The following SUFU variants were observed in gnomAD, a reference collection of about 807,000 sequenced individuals.
SUFU encodes suppressor of fused homolog.
In SUFU, 7 loss-of-function variants were observed where a neutral mutation model predicts 58.9. The ratio of observed to expected loss-of-function variants is 0.12; its 90% CI spans 0.07 to 0.22. The LOEUF (loss-of-function observed/expected upper bound fraction) is 0.22. Among genes scored for constraint, SUFU ranks in the 10% least tolerant of loss-of-function variants. The pLI, the probability that SUFU is intolerant of heterozygous loss-of-function variation, is 1.00. For synonymous variants in SUFU, 232 were observed against 254.8 expected (o/e 0.91, Z 0.85); for missense variants, 451 against 641.3 (o/e 0.70, Z 3.20).
intron 3 of SUFU, among the ~76,000 whole-genome samples, chr10:102,555,834 C>T (rs908407782): frequency 1.3e-5 from 2 of 152,226 alleles, no homozygotes; most frequent in African/African-American, 4.8e-5. Context: ...TTACACGCTA[C>T]AAGAGTTACA....
intron 10 of SUFU, among the ~76,000 whole-genome samples, chr10:102,626,752 T>A (rs2063789971): frequency 6.6e-6 from 1 of 152,178 alleles, no homozygotes; most frequent in African/African-American, 2.4e-5. Flanking sequence ...CTTTTGTCCT[T>A]CTACGGTGAG....
At chr10:102,503,605 C>T (rs1480636133), upstream of SUFU, among the ~76,000 whole-genome samples, 2 of 152,190 alleles carry the variant, frequency 1.3e-5, no homozygotes, top group East Asian at 3.8e-4. Context: ...GATTTATTAT[C>T]ATCTATTAAT....
chr10:102,543,093 C>T (rs2062821087), intron 2 of SUFU, among the ~76,000 whole-genome samples: 1 of 152,158 alleles, frequency 6.6e-6, no homozygotes, highest in Admixed American at 6.5e-5. Flanking sequence ...ATTGCTGGAT[C>T]CAAAGGTATA....
chr10:102,623,889 A>G (rs888853720), intron 10 of SUFU, among the ~76,000 whole-genome samples: 14 of 152,244 alleles, frequency 9.2e-5, no homozygotes, highest in African/African-American at 3.1e-4. Flanking sequence ...GCAATGAGCC[A>G]AGATTGTACC....
In SUFU at chr10:102,504,009, C is replaced by T. The variant is rs1415893437; in HGVS notation, c.-144C>T. ...GGCGACAGCCTGGGCGGACAGTGCG[C>T]CGTGCGCAGGCGCGGAGCTAGACCT... On this transcript the variant is annotated 5_prime_UTR_variant, in exon 1 of 12. Coordinates refer to ENST00000369902, the MANE Select transcript of SUFU (RefSeq NM_016169.4). The T allele has an allele frequency of 2.5e-6, 3 of 1,180,886 alleles. No individual in the cohort carries two copies. The highest frequency in any genetic ancestry group is 3.6e-5 in the South Asian group (2 of 55,000). 73.2% of individuals were successfully genotyped at this position (1,180,886 alleles called of 1,614,324 possible). A position where few individuals can be genotyped will look rare whatever the true frequency, so the allele number is the denominator to read the frequency against.
At chr10:102,520,907 G>A (rs2145307) in intron 2 of SUFU, among the ~76,000 whole-genome samples, 17,655 of 152,068 alleles carry the variant, frequency 0.12, 1,488 homozygotes, top group East Asian at 0.42. Flanking sequence ...ATTTTTTGGC[G>A]ATTTTTAATT....
At chr10:102,518,334 C>T (rs1315526382) in intron 2 of SUFU, among the ~76,000 whole-genome samples, 1 of 152,112 alleles carries the variant, frequency 6.6e-6, no homozygotes, top group Non-Finnish European at 1.5e-5. Flanking sequence ...GTAGTCACCA[C>T]CTCCTTTTTC....
chr10:102,528,156 T>C (rs1299699814), intron 2 of SUFU, among the ~76,000 whole-genome samples: 3 of 151,904 alleles, frequency 2.0e-5, no homozygotes. Flanking sequence ...ACCTTTGAGT[T>C]TGGGGGTGGT....
intron 8 of SUFU, among the ~76,000 whole-genome samples, chr10:102,609,981 C>T (rs2063605412): frequency 6.6e-6 from 1 of 152,138 alleles, no homozygotes; most frequent in South Asian, 2.1e-4. Flanking sequence ...GAGTCAGAAA[C>T]AGCCAGGCTT....
chr10:102,519,623 G>T (rs1455664083), intron 2 of SUFU, among the ~76,000 whole-genome samples: 1 of 151,722 alleles, frequency 6.6e-6, no homozygotes, highest in African/African-American at 2.4e-5. Flanking sequence ...AAAAATTTCT[G>T]GCTTAGATGG....
chr10:102,605,076 G>A (rs1373434865), intron 8 of SUFU, among the ~76,000 whole-genome samples: 1 of 151,864 alleles, frequency 6.6e-6, no homozygotes, highest in East Asian at 2.0e-4. Context: ...ACACCACCAC[G>A]TCCAGCTAAT....
intron 2 of SUFU, among the ~76,000 whole-genome samples, chr10:102,523,675 A>G (rs1231009369): frequency 6.6e-6 from 1 of 152,150 alleles, no homozygotes; most frequent in Non-Finnish European, 1.5e-5. Context: ...CAAGCTGCCA[A>G]TTTCTCATTC....
At chr10:102,562,242 A>G (rs2063044791) in intron 3 of SUFU, among the ~76,000 whole-genome samples, 1 of 152,108 alleles carries the variant, frequency 6.6e-6, no homozygotes, top group African/African-American at 2.4e-5. Context: ...TTGCTTTTCT[A>G]TGCCAGGTGC....
chr10:102,536,422 G>A (rs1262846394), intron 2 of SUFU, among the ~76,000 whole-genome samples: 2 of 147,438 alleles, frequency 1.4e-5, no homozygotes, highest in Non-Finnish European at 3.0e-5. Flanking sequence ...GGAGTGCAGT[G>A]GTGCAATCTC....
At position 102,549,983 on chromosome 10, in the gene SUFU, G is replaced by A. The variant is rs1590018865; in HGVS notation, c.331G>A (p.Asp111Asn). 6.2e-7 allele frequency: 1 copy of A among 1,614,234 alleles called. No homozygotes were observed. Among genetic ancestry groups the A allele is most frequent in the Non-Finnish European group, 8.5e-7 (1 of 1,180,034 alleles). The stretch of plus-strand genomic sequence containing the variant: ...TATGTCTTTCAGGTTTACAGGAACA[G>A]ATGGACCTAGTGGTTTTGGCTTTGA... ...DNRVHEFTGT[D>N]GPSGFGFELT... Residue 111 changes from aspartate to asparagine, a missense_variant, in exon 3 of 12, where the codon GAT becomes AAT. Asp to Asn is a conservative substitution (Grantham distance 23, BLOSUM62 1). Coordinates refer to ENST00000369902, the MANE Select transcript of SUFU (RefSeq NM_016169.4).
chr10:102,560,295 C>A (rs536584589), intron 3 of SUFU, among the ~76,000 whole-genome samples: 1 of 152,050 alleles, frequency 6.6e-6, no homozygotes, highest in Non-Finnish European at 1.5e-5. Context: ...TTTGACCAGG[C>A]GCAGTGGCTC....
chr10:102,537,075 T>C (rs576861435), intron 2 of SUFU, among the ~76,000 whole-genome samples: 1 of 152,010 alleles, frequency 6.6e-6, no homozygotes, highest in Admixed American at 6.6e-5. Context: ...TCTCTCAAAG[T>C]GCTGGGATTA....
intron 8 of SUFU, among the ~76,000 whole-genome samples, chr10:102,601,779 C>CA (rs1359958259): frequency 6.6e-6 from 1 of 152,162 alleles, no homozygotes; most frequent in Non-Finnish European, 1.5e-5. Flanking sequence ...ATTTCACATA[C>CA]ACCACATGGA....
chr10:102,506,140 C>G (rs564297213), intron 1 of SUFU, among the ~76,000 whole-genome samples: 31 of 150,848 alleles, frequency 2.1e-4, no homozygotes, highest in East Asian at 2.0e-3. Flanking sequence ...TACACAGATT[C>G]AGGCAACTAT....
Sources: allele counts gnomAD v4.1 joint callset (sites outside exome capture counted in the v4.1 genomes callset), GRCh38; gene constraint gnomAD v4.1.1; transcripts MANE v1.5; gene names NCBI Gene and HGNC (gene_info 2026-07-23, HGNC 2026-07-21).